The following TG variants were observed in gnomAD, a reference collection of about 807,000 sequenced individuals.
The protein encoded by TG is thyroglobulin, also known as thyroid hormones.
In TG, 270 loss-of-function variants were observed where a neutral mutation model predicts 324.7. The ratio of observed to expected loss-of-function variants is 0.83; its 90% CI spans 0.75 to 0.92. TG has a LOEUF of 0.92. Among genes scored for constraint, TG ranks in the 40% least tolerant of loss-of-function variants. TG has a pLI of 0.00. For synonymous variants in TG, 1,401 were observed against 1,327.0 expected, an observed-to-expected ratio of 1.06 and a Z score of -1.21; for missense variants, 3,591 against 3,456.4, an observed-to-expected ratio of 1.04 and a Z score of -0.98.
At chr8:133,053,976 C>T (rs548584051) in intron 41 of TG, among the ~76,000 whole-genome samples, 10 of 152,212 alleles carry the variant, frequency 6.6e-5, no homozygotes, top group Admixed American at 2.6e-4. Context: ...ATTAGCCAAA[C>T]GGGACAAAGT....
At chr8:133,118,876 A>G (rs1161668040) in intron 45 of TG, among the ~76,000 whole-genome samples, 1 of 152,196 alleles carries the variant, frequency 6.6e-6, no homozygotes, top group Non-Finnish European at 1.5e-5. Context: ...GCGTGGGGAG[A>G]TAATCCTGGA....
intron 35 of TG, among the ~76,000 whole-genome samples, chr8:132,992,526 T>G (rs910455620): frequency 6.6e-6 from 1 of 152,210 alleles, no homozygotes; most frequent in Admixed American, 6.5e-5. Flanking sequence ...CCTGGGTTGG[T>G]GCTGGAGAGC....
At chr8:133,004,780 A>T (rs1403747017) in intron 35 of TG, among the ~76,000 whole-genome samples, 1 of 152,092 alleles carries the variant, frequency 6.6e-6, no homozygotes, top group Non-Finnish European at 1.5e-5. Context: ...GAGTGCTGTG[A>T]CCAGATGCGG....
intron 26 of TG, among the ~76,000 whole-genome samples, chr8:132,946,441 C>A (rs1274628962): frequency 6.6e-6 from 1 of 152,120 alleles, no homozygotes; most frequent in East Asian, 1.9e-4. Flanking sequence ...CATAAAGTAT[C>A]GGGCAGATGT....
chr8:133,019,837 G>C, intron 39 of TG, 142 bp downstream of exon 39: 1 of 682,560 alleles, frequency 1.5e-6, no homozygotes, highest in Non-Finnish European at 2.6e-6. Flanking sequence ...AGGACACTCA[G>C]TTAGTGAGTG....
chr8:132,983,481 C>G (rs957940154), intron 35 of TG, 69 bp downstream of exon 35: 46 of 1,496,200 alleles, frequency 3.1e-5, no homozygotes, highest in Non-Finnish European at 4.1e-5. Context: ...TCCTCTTCCC[C>G]CTTGCTTTTG....
intron 41 of TG, among the ~76,000 whole-genome samples, chr8:133,067,229 C>T (rs967329634): frequency 2.0e-5 from 3 of 152,168 alleles, no homozygotes; most frequent in Admixed American, 6.5e-5. Context: ...CCACTTACCC[C>T]GTGACCCACA....
At chr8:133,031,938 C>T (rs1282732384) in intron 41 of TG, among the ~76,000 whole-genome samples, 3 of 152,102 alleles carry the variant, frequency 2.0e-5, no homozygotes, top group East Asian at 1.9e-4. Context: ...GCTGCCTGTA[C>T]GTCTCCTATG....
chr8:132,970,079 G>A (rs537833007), intron 32 of TG, among the ~76,000 whole-genome samples: 49 of 152,014 alleles, frequency 3.2e-4, no homozygotes, highest in African/African-American at 8.4e-4. Context: ...AAGAGCCACC[G>A]AGCATTATTT....
At position 133,042,678 on chromosome 8, in the gene TG, C is replaced by CCTTTTTTTTTTT. The variant is rs1554706932; in HGVS notation, c.7239+12655_7239+12656insCTTTTTTTTTTT. On this transcript the variant is annotated intron_variant, in intron 41 of 47. Transcript: ENST00000220616. ...GTGCACAATTCCTCTCATTCTGTGT[C>CCTTTTTTTTTTT]TTTTTTTTTTTTTTTTTTTTTTTTT... Among the ~76,000 whole-genome samples the CCTTTTTTTTTTT allele has an allele frequency of 2.0e-3, 115 of 56,768 alleles. 11 individuals are homozygous for CCTTTTTTTTTTT. The highest frequency in any genetic ancestry group is 5.7e-3 in the East Asian group (13 of 2,280). 37.2% of individuals were successfully genotyped at this position (56,768 alleles called of 152,430 possible).
intron 41 of TG, among the ~76,000 whole-genome samples, chr8:133,093,248 C>T (rs1847869811): frequency 6.6e-6 from 1 of 152,020 alleles, no homozygotes; most frequent in South Asian, 2.1e-4. Flanking sequence ...TAGGCTAAAT[C>T]ATATTGACGC....
chr8:133,053,643 T>C (rs1218929358), intron 41 of TG, among the ~76,000 whole-genome samples: 2 of 152,218 alleles, frequency 1.3e-5, no homozygotes, highest in African/African-American at 2.4e-5. Flanking sequence ...AGGTTTGATA[T>C]CAAATTCAAG....
chr8:133,012,539 G>A (rs576451465), intron 36 of TG, among the ~76,000 whole-genome samples: 1 of 152,278 alleles, frequency 6.6e-6, no homozygotes, highest in South Asian at 2.1e-4. Context: ...GTCATTGTTG[G>A]TATTTAAACA....
At chr8:132,955,181 T>C (rs1826664407) in intron 27 of TG, among the ~76,000 whole-genome samples, 1 of 152,168 alleles carries the variant, frequency 6.6e-6, no homozygotes, top group Non-Finnish European at 1.5e-5. Context: ...CTTTGGTGGC[T>C]GGAGGTCTTT....
chr8:133,019,776 T>G, intron 39 of TG, 81 bp downstream of exon 39: 1 of 1,211,114 alleles, frequency 8.3e-7, no homozygotes, highest in South Asian at 1.2e-5. Flanking sequence ...GCCAGCACAG[T>G]TCAGTCTCCT....
At chr8:133,126,438 T>C (rs1851526404) in intron 45 of TG, among the ~76,000 whole-genome samples, 1 of 152,190 alleles carries the variant, frequency 6.6e-6, no homozygotes, top group Admixed American at 6.5e-5. Flanking sequence ...GTTATCATAC[T>C]TTATGGAGGG....
chr8:132,907,411 GT>G (rs1263908045), intron 17 of TG, among the ~76,000 whole-genome samples: 9 of 152,150 alleles, frequency 5.9e-5, no homozygotes, highest in Admixed American at 2.0e-4. Context: ...ACTTGTGTAA[GT>G]TTCGGCCCCC....
chr8:132,917,040 T>TCCCG (rs1820416944), intron 20 of TG, among the ~76,000 whole-genome samples: 1 of 70,218 alleles, frequency 1.4e-5, no homozygotes. Flanking sequence ...CCTCCCTCCC[T>TCCCG]CCCTCCTTCC....
intron 16 of TG, among the ~76,000 whole-genome samples, chr8:132,905,190 G>A (rs1393084896): frequency 6.6e-6 from 1 of 152,174 alleles, no homozygotes; most frequent in African/African-American, 2.4e-5. Context: ...TATGGGTGAG[G>A]AAACTGTCAC....
Sources: gnomAD v4.1 joint callset for allele counts (sites outside exome capture counted in the v4.1 genomes callset) on GRCh38, gnomAD v4.1.1 for gene constraint, MANE v1.5 for transcripts, NCBI Gene and HGNC (gene_info 2026-07-23, HGNC 2026-07-21) for gene names.